TULP4: variants seen among roughly 807,000 people sequenced by gnomAD.
TULP4 encodes the protein tubby-related protein 4.
A neutral mutation model predicts 129.0 loss-of-function variants in TULP4; 16 were observed. That is an observed-to-expected ratio of 0.12 (90% CI 0.08 to 0.19). TULP4 has a LOEUF of 0.19. Ranked by LOEUF, TULP4 falls within the 10% of genes least tolerant of loss-of-function variation. TULP4 has a pLI of 1.00. For synonymous variants in TULP4, 998 were observed against 854.0 expected, an observed-to-expected ratio of 1.17 and a Z score of -2.94; for missense variants, 1,842 against 2,059.1, an observed-to-expected ratio of 0.89 and a Z score of 2.04.
At chr6:158,238,149 A>G in intron 1 of TULP4, 2 of 755,342 alleles carry the variant, frequency 2.6e-6, no homozygotes, top group Non-Finnish European at 4.9e-6. Context: ...TCTGCTTCTC[A>G]ATATTAGACA....
intron 1 of TULP4, among the ~76,000 whole-genome samples, chr6:158,387,472 C>T (rs757993975): frequency 1.3e-5 from 2 of 152,012 alleles, no homozygotes; most frequent in African/African-American, 4.8e-5. Context: ...TGCATAAACA[C>T]CTTATACGTT....
At chr6:158,232,545 G>C (rs1172033347) in intron 1 of TULP4, among the ~76,000 whole-genome samples, 1 of 151,878 alleles carries the variant, frequency 6.6e-6, no homozygotes, top group Non-Finnish European at 1.5e-5. Context: ...TTGGCTGTGG[G>C]AGCCTTTTGT....
chr6:158,506,199 G>GCTGT, intron 13 of TULP4, among the ~76,000 whole-genome samples: 1 of 148,306 alleles, frequency 6.7e-6, no homozygotes, highest in South Asian at 2.1e-4. Flanking sequence ...TGCAGACCCG[G>GCTGT]CTGTCGCCTT....
intron 3 of TULP4, among the ~76,000 whole-genome samples, chr6:158,444,246 A>T (rs867560485): frequency 1.3e-4 from 11 of 86,744 alleles, no homozygotes; most frequent in African/African-American, 2.4e-4. Context: ...AAAAAAAAAA[A>T]TTTTTTTTTT....
intron 1 of TULP4, among the ~76,000 whole-genome samples, chr6:158,237,007 C>T (rs2128441723): frequency 6.6e-6 from 1 of 151,762 alleles, no homozygotes; most frequent in Middle Eastern, 3.4e-3. Flanking sequence ...GACAGGGTTT[C>T]ACTGTGTTGG....
At chr6:158,441,801 G>A (rs1034864695) in intron 3 of TULP4, among the ~76,000 whole-genome samples, 3 of 152,074 alleles carry the variant, frequency 2.0e-5, no homozygotes, top group Admixed American at 6.5e-5. Flanking sequence ...GCAAACACTG[G>A]CACCGTTTCT....
At chr6:158,330,585 G>A (rs1292704917) in intron 1 of TULP4, among the ~76,000 whole-genome samples, 1 of 152,124 alleles carries the variant, frequency 6.6e-6, no homozygotes, top group Non-Finnish European at 1.5e-5. Context: ...ACTTCAATGT[G>A]TATTTCCTAA....
At chr6:158,461,879 G>C (rs562874508) in intron 6 of TULP4, 150 bp downstream of exon 6, 1 of 900,426 alleles carries the variant, frequency 1.1e-6, no homozygotes, top group African/African-American at 1.7e-5. Context: ...AGCAGTTTTT[G>C]CCTTTTAACC....
At chr6:158,332,287 G>T (rs541891219) in intron 1 of TULP4, among the ~76,000 whole-genome samples, 8 of 150,510 alleles carry the variant, frequency 5.3e-5, no homozygotes, top group Non-Finnish European at 1.0e-4. Context: ...CCCTAGGGCC[G>T]AAGGAGATGA....
chr6:158,346,464 G>A (rs763046420), intron 1 of TULP4, among the ~76,000 whole-genome samples: 3 of 152,102 alleles, frequency 2.0e-5, no homozygotes, highest in African/African-American at 4.8e-5. Flanking sequence ...CATAACTCTC[G>A]TATGCACTAG....
intron 1 of TULP4, among the ~76,000 whole-genome samples, chr6:158,326,865 AT>A (rs1779757948): frequency 1.3e-5 from 2 of 152,268 alleles, no homozygotes; most frequent in East Asian, 3.9e-4. Context: ...TATATGTGGA[AT>A]TTTTTCAATC....
At chr6:158,386,074 G>A (rs1777441979) in intron 1 of TULP4, among the ~76,000 whole-genome samples, 1 of 151,644 alleles carries the variant, frequency 6.6e-6, no homozygotes, top group Admixed American at 6.6e-5. Context: ...TGAACTCTTG[G>A]ACTCAAGTGA....
At chr6:158,411,791 C>T (rs1415167552) in intron 1 of TULP4, among the ~76,000 whole-genome samples, 6 of 152,032 alleles carry the variant, frequency 3.9e-5, no homozygotes, top group African/African-American at 1.5e-4. Context: ...TGAGAAGTCC[C>T]GGGGTTTATG....
At chr6:158,243,296 C>A (rs779652384) in intron 1 of TULP4, among the ~76,000 whole-genome samples, 1 of 151,804 alleles carries the variant, frequency 6.6e-6, no homozygotes, top group Non-Finnish European at 1.5e-5. Context: ...AGAAAAAGAC[C>A]CCTTAAAATA....
intron 2 of TULP4, among the ~76,000 whole-genome samples, chr6:158,417,113 A>G (rs1480471148): frequency 1.3e-5 from 2 of 152,192 alleles, no homozygotes; most frequent in Non-Finnish European, 2.9e-5. Flanking sequence ...ACATGACTGT[A>G]TACCCCAAGG....
chr6:158,308,428 G>C (rs1339458501), upstream of TULP4, among the ~76,000 whole-genome samples: 1 of 151,950 alleles, frequency 6.6e-6, no homozygotes, highest in Non-Finnish European at 1.5e-5. Context: ...GCAACCATCC[G>C]ATTTCTCAAT....
At chr6:158,408,899 TAAG>T (rs1302866180) in intron 1 of TULP4, among the ~76,000 whole-genome samples, 1 of 152,232 alleles carries the variant, frequency 6.6e-6, no homozygotes, top group South Asian at 2.1e-4. Context: ...AATTGCAGAA[TAAG>T]AAGAACAGAG....
intron 1 of TULP4, chr6:158,397,913 G>A (rs999067459): frequency 1.3e-5 from 2 of 152,204 alleles, no homozygotes; most frequent in African/African-American, 4.8e-5. Context: ...TGAGTTACAG[G>A]TGAGCTGGGC....
chr6:158,374,249 C>A (rs867566775), intron 1 of TULP4, among the ~76,000 whole-genome samples: 1 of 150,802 alleles, frequency 6.6e-6, no homozygotes, highest in East Asian at 1.9e-4. Flanking sequence ...ATTGCGCCAC[C>A]GCATTCCAGC....
Sources: allele counts gnomAD v4.1 joint callset (sites outside exome capture counted in the v4.1 genomes callset), GRCh38; gene constraint gnomAD v4.1.1; transcripts MANE v1.5; gene names NCBI Gene and HGNC (gene_info 2026-07-23, HGNC 2026-07-21).